The following ESR1 variants were observed in gnomAD, a reference collection of about 807,000 sequenced individuals.
The protein encoded by ESR1 is estrogen receptor.
Under a neutral mutation model 52.7 loss-of-function variants are expected in ESR1, and 12 were observed. That is an observed-to-expected ratio of 0.23 (90% CI 0.15 to 0.37). ESR1 has a LOEUF of 0.37. Among genes scored for constraint, ESR1 ranks in the 10% least tolerant of loss-of-function variants. The pLI is 1.00. For missense variants in ESR1, 584 were observed against 779.7 expected, an observed-to-expected ratio of 0.75 and a Z score of 2.99; for synonymous variants, 305 against 316.8, an observed-to-expected ratio of 0.96 and a Z score of 0.39.
intron 6 of ESR1, among the ~76,000 whole-genome samples, chr6:152,118,678 C>T (rs768200592): frequency 6.6e-6 from 1 of 151,958 alleles, no homozygotes; most frequent in Non-Finnish European, 1.5e-5. Flanking sequence ...GGCTTAAAAC[C>T]TAGATGATGG....
intron 3 of ESR1, among the ~76,000 whole-genome samples, chr6:151,883,956 A>G (rs1050099124): frequency 6.6e-6 from 1 of 152,126 alleles, no homozygotes. Flanking sequence ...TTAAGGTACA[A>G]TTTCCAAATA....
At chr6:151,911,468 TC>T (rs1798244287) in intron 3 of ESR1, among the ~76,000 whole-genome samples, 1 of 152,228 alleles carries the variant, frequency 6.6e-6, no homozygotes, top group Non-Finnish European at 1.5e-5. Context: ...CAATGAGTCT[TC>T]CTGTTTCTCC....
intron 6 of ESR1, among the ~76,000 whole-genome samples, chr6:152,117,136 C>T (rs1729276778): frequency 6.6e-6 from 1 of 152,228 alleles, no homozygotes; most frequent in African/African-American, 2.4e-5. Flanking sequence ...GCCATGGCTA[C>T]TTACATCCCT....
At chr6:152,030,167 G>A (rs924857829) in intron 5 of ESR1, among the ~76,000 whole-genome samples, 4 of 152,162 alleles carry the variant, frequency 2.6e-5, no homozygotes, top group Non-Finnish European at 4.4e-5. Flanking sequence ...GGAACAACTA[G>A]TACCAGCCAC....
intron 2 of ESR1, among the ~76,000 whole-genome samples, chr6:151,777,133 T>C (rs1228514510): frequency 2.6e-5 from 4 of 151,304 alleles, no homozygotes; most frequent in Admixed American, 2.6e-4. Context: ...CTTTTTTTTT[T>C]TGAGACAGAG....
chr6:151,879,781 T>C (rs1368194226), intron 2 of ESR1, among the ~76,000 whole-genome samples: 1 of 152,160 alleles, frequency 6.6e-6, no homozygotes, highest in Non-Finnish European at 1.5e-5. Context: ...GTCAGGTAGC[T>C]TGCTCAGAGT....
chr6:151,841,879 A>C (rs1258078126), intron 1 of ESR1, among the ~76,000 whole-genome samples: 6 of 151,950 alleles, frequency 3.9e-5, no homozygotes, highest in Non-Finnish European at 5.9e-5. Context: ...TTCTCAGCTA[A>C]TTTTTTTAAG....
chr6:151,956,298 G>A (rs2036907283), intron 4 of ESR1, among the ~76,000 whole-genome samples: 1 of 152,158 alleles, frequency 6.6e-6, no homozygotes, highest in African/African-American at 2.4e-5. Context: ...TTAGTTCTGT[G>A]TGTGAAAACA....
intron 1 of ESR1, among the ~76,000 whole-genome samples, chr6:151,680,682 G>A (rs1412765994): frequency 6.6e-6 from 1 of 152,088 alleles, no homozygotes; most frequent in Non-Finnish European, 1.5e-5. Flanking sequence ...TGGATTTTGG[G>A]GGGACACAAA....
chr6:151,997,086 A>AC (rs1273841938), intron 4 of ESR1, among the ~76,000 whole-genome samples: 2 of 152,014 alleles, frequency 1.3e-5, no homozygotes, highest in African/African-American at 2.4e-5. Context: ...AAAAACAAAA[A>AC]AAAAACAAAG....
intron 2 of ESR1, among the ~76,000 whole-genome samples, chr6:151,736,375 G>GTTCTTTTTTTTTT (rs748276035): frequency 0.13 from 14,278 of 110,944 alleles, 2,070 homozygotes; most frequent in Non-Finnish European, 0.19. Flanking sequence ...TCCAGGTAGT[G>GTTCTTTTTTTTTT]TTTTTTTTTT....
intron 6 of ESR1, among the ~76,000 whole-genome samples, chr6:152,079,983 T>C (rs561473564): frequency 3.7e-4 from 56 of 152,200 alleles, no homozygotes; most frequent in African/African-American, 1.2e-3. Context: ...CCAAGAAATA[T>C]GGGACTATGT....
chr6:151,834,975 G>C (rs893354314), intron 1 of ESR1, among the ~76,000 whole-genome samples: 4 of 152,074 alleles, frequency 2.6e-5, no homozygotes, highest in African/African-American at 9.7e-5. Flanking sequence ...TGAGGGCTTG[G>C]AGTTAGGGGA....
At chr6:151,911,757 C>T (rs1478406548) in intron 3 of ESR1, among the ~76,000 whole-genome samples, 1 of 152,174 alleles carries the variant, frequency 6.6e-6, no homozygotes, top group African/African-American at 2.4e-5. Flanking sequence ...TTCCCCACAC[C>T]AGTTAGCTGA....
At chr6:151,777,118 C>CTT (rs745685480) in intron 2 of ESR1, among the ~76,000 whole-genome samples, 8,313 of 142,254 alleles carry the variant, frequency 0.058, 338 homozygotes, top group Non-Finnish European at 0.078. Context: ...CTTTTCTTTT[C>CTT]TTTTCTTTTT....
At chr6:151,895,529 T>C (rs1031989280) in intron 3 of ESR1, among the ~76,000 whole-genome samples, 12 of 152,366 alleles carry the variant, frequency 7.9e-5, no homozygotes, top group African/African-American at 2.6e-4. Flanking sequence ...GGGTTTATCA[T>C]AGATGCCTTT....
chr6:151,920,064 A>AG (rs1380302806), intron 3 of ESR1, among the ~76,000 whole-genome samples: 9 of 152,176 alleles, frequency 5.9e-5, no homozygotes, highest in Non-Finnish European at 1.2e-4. Flanking sequence ...TTTTATTTAT[A>AG]GGCTGGTTCT....
chr6:151,677,422 G>T (rs1486983932), intron 1 of ESR1, among the ~76,000 whole-genome samples: 1 of 152,180 alleles, frequency 6.6e-6, no homozygotes, highest in Non-Finnish European at 1.5e-5. Context: ...ACAGGCCCAT[G>T]GTTCTCTGGG....
intron 3 of ESR1, among the ~76,000 whole-genome samples, chr6:151,883,552 G>A (rs1483116733): frequency 6.6e-6 from 1 of 151,822 alleles, no homozygotes; most frequent in African/African-American, 2.4e-5. Flanking sequence ...TGGATTAGGA[G>A]TCCACCCTTA....
Sources: gnomAD v4.1 joint callset for allele counts (sites outside exome capture counted in the v4.1 genomes callset) on GRCh38, gnomAD v4.1.1 for gene constraint, MANE v1.5 for transcripts, NCBI Gene and HGNC (gene_info 2026-07-23, HGNC 2026-07-21) for gene names.